GLB1: variants seen among roughly 807,000 people sequenced by gnomAD.
GLB1 encodes the protein beta-galactosidase.
In GLB1, 56 loss-of-function variants were observed where a neutral mutation model predicts 74.0. The observed-to-expected ratio is 0.76, with a 90% CI of 0.61 to 0.94. The LOEUF is 0.94. Ranked by LOEUF, GLB1 falls within the 40% of genes least tolerant of loss-of-function variation. The pLI, the probability that GLB1 is intolerant of heterozygous loss-of-function variation, is 0.00. For synonymous variants in GLB1, 323 were observed against 323.6 expected (o/e 1.00, Z 0.02); for missense variants, 787 against 845.5 (o/e 0.93, Z 0.86).
chr3:33,065,446 C>T lies in GLB1; in HGVS notation c.552+17G>A. The stretch of plus-strand genomic sequence containing the variant: ...GAACCCCTCCCCCAATCCATCCATG[C>T]TCAACTCCAGGGTTACCTGCACTGT... On this transcript the variant is annotated intron_variant, in intron 5 of 15. Coordinates refer to ENST00000307363, the MANE Select transcript of GLB1 (RefSeq NM_000404.4). 4 of 1,568,368 alleles carry T rather than the reference C, an allele frequency of 2.6e-6. No individual in the cohort carries two copies. Among genetic ancestry groups the T allele is most frequent in the Non-Finnish European group, 3.5e-6 (4 of 1,154,206 alleles).
the GLB1 span, among the ~76,000 whole-genome samples, chr3:32,982,156 A>G: frequency 6.6e-6 from 1 of 151,914 alleles, no homozygotes; most frequent in Admixed American, 6.6e-5. Context: ...TCTACTAAAC[A>G]TACAAAATTA....
At chr3:33,077,516 A>G (rs1190313983) in intron 1 of GLB1, 1 of 759,420 alleles carries the variant, frequency 1.3e-6, no homozygotes, top group Non-Finnish European at 1.9e-6. Flanking sequence ...ACTTCACTCC[A>G]GAACTCTGTT....
intron 1 of GLB1, chr3:33,092,723 T>C (rs986899783): frequency 1.3e-5 from 19 of 1,484,806 alleles, no homozygotes; most frequent in Admixed American, 2.4e-5. Context: ...CAAGGGTGTG[T>C]AGGCAAGGAT....
chr3:33,043,056 TAA>T (rs1698569120), intron 10 of GLB1, among the ~76,000 whole-genome samples: 1 of 152,130 alleles, frequency 6.6e-6, no homozygotes, highest in African/African-American at 2.4e-5. Context: ...CCCAGAGAAT[TAA>T]AATACATGAC....
the GLB1 span, among the ~76,000 whole-genome samples, chr3:32,962,192 T>TC: frequency 2.7e-5 from 1 of 37,046 alleles, no homozygotes; most frequent in Non-Finnish European, 4.5e-5. Flanking sequence ...AGACTACATA[T>TC]TAAAAAAAAA....
intron 15 of GLB1, 24 bp from the exon 16 acceptor site, chr3:32,997,368 C>T (rs776910014): frequency 1.2e-6 from 2 of 1,611,666 alleles, no homozygotes; most frequent in Admixed American, 3.3e-5. Flanking sequence ...GACAGAGAAC[C>T]ATCAACCCCA....
rs138315911 is a variant in GLB1 at position 33,096,043 on chromosome 3, G to A, written c.75+968C>T. Reference sequence around the variant, plus strand: ...AATGTACCACTTTTCTCTGCCCTAGGCACGTTATTGAAAGCGTTATTAAAG... The same window carrying A: ...AATGTACCACTTTTCTCTGCCCTAGACACGTTATTGAAAGCGTTATTAAAG... On this transcript the variant is annotated intron_variant, in intron 1 of 15. Coordinates refer to ENST00000307363, the MANE Select transcript of GLB1 (RefSeq NM_000404.4). 2.1e-3 allele frequency among the ~76,000 whole-genome samples: 317 copies of A among 152,308 alleles called. 1 individual carries two copies. The highest frequency in any genetic ancestry group is 7.3e-3 in the African/African-American group (303 of 41,556).
intron 1 of GLB1, among the ~76,000 whole-genome samples, chr3:33,073,870 A>AAAAATT (rs1699983856): frequency 6.6e-6 from 1 of 151,598 alleles, no homozygotes; most frequent in Admixed American, 6.6e-5. Context: ...ACAAACAAAC[A>AAAAATT]AAAATTAAGC....
intron 10 of GLB1, among the ~76,000 whole-genome samples, chr3:33,028,557 T>A (rs1439354559): frequency 6.6e-6 from 1 of 152,092 alleles, no homozygotes; most frequent in African/African-American, 2.4e-5. Context: ...AAAGTAACAC[T>A]CTGAGTGTGG....
intron 1 of GLB1, among the ~76,000 whole-genome samples, chr3:33,087,431 G>T (rs1700552554): frequency 6.6e-6 from 1 of 152,094 alleles, no homozygotes; most frequent in Admixed American, 6.6e-5. Context: ...TTAGCCGGGT[G>T]TGGTGGCGCG....
chr3:33,009,081 T>C (rs544461553), intron 15 of GLB1, among the ~76,000 whole-genome samples: 1 of 150,386 alleles, frequency 6.6e-6, no homozygotes, highest in African/African-American at 2.4e-5. Context: ...ATTGTGCCAC[T>C]GTACTCCAGC....
chr3:33,069,086 C>T, intron 2 of GLB1, 116 bp from the exon 3 acceptor site: 2 of 1,557,798 alleles, frequency 1.3e-6, no homozygotes, highest in East Asian at 4.6e-5. Flanking sequence ...GGAGAAGGCG[C>T]TTTGAAAGAA....
At chr3:32,968,279 T>C in the GLB1 span, among the ~76,000 whole-genome samples, 1 of 152,056 alleles carries the variant, frequency 6.6e-6, no homozygotes, top group East Asian at 1.9e-4. Flanking sequence ...CAGATTAATG[T>C]GCATGGTGCA....
downstream of GLB1, among the ~76,000 whole-genome samples, chr3:32,993,522 ATTTTTTTTTTTT>A (rs746774682): frequency 8.0e-5 from 5 of 62,286 alleles, no homozygotes; most frequent in South Asian, 8.8e-4. Context: ...CATCCAGCTA[ATTTTTTTTTTTT>A]TTTTTTTTTT....
At chr3:33,083,683 C>T (rs888349737) in intron 1 of GLB1, among the ~76,000 whole-genome samples, 3 of 152,158 alleles carry the variant, frequency 2.0e-5, no homozygotes, top group Non-Finnish European at 2.9e-5. Flanking sequence ...TTCATAACTT[C>T]TCAAGGCTCC....
chr3:33,090,740 C>T, intron 1 of GLB1: 1 of 985,326 alleles, frequency 1.0e-6, no homozygotes, highest in Admixed American at 6.1e-5. Context: ...ATGTCCGCCG[C>T]GTCAGGGAAT....
At chr3:32,972,250 G>A in the GLB1 span, among the ~76,000 whole-genome samples, 5 of 152,122 alleles carry the variant, frequency 3.3e-5, no homozygotes, top group East Asian at 9.6e-4. Flanking sequence ...GGCAATCCAA[G>A]CAACACAAAT....
intron 10 of GLB1, 71 bp from the exon 11 acceptor site, chr3:33,024,396 T>C (rs1559387344): frequency 5.3e-6 from 8 of 1,499,488 alleles, no homozygotes; most frequent in Middle Eastern, 2.2e-4. Context: ...ATTCATAAAA[T>C]TTATTATTTG....
intron 1 of GLB1, among the ~76,000 whole-genome samples, chr3:33,073,969 A>C (rs1699988186): frequency 6.6e-6 from 1 of 150,838 alleles, no homozygotes; most frequent in Non-Finnish European, 1.5e-5. Flanking sequence ...GAGTGCAGTG[A>C]ACCGTGTTCA....
Sources: allele counts gnomAD v4.1 joint callset (sites outside exome capture counted in the v4.1 genomes callset), GRCh38; gene constraint gnomAD v4.1.1; transcripts MANE v1.5; gene names NCBI Gene and HGNC (gene_info 2026-07-23, HGNC 2026-07-21).